PTK2: variants seen among roughly 807,000 people sequenced by gnomAD.
PTK2 encodes the protein focal adhesion kinase 1.
Under a neutral mutation model 150.1 loss-of-function variants are expected in PTK2, and 45 were observed. The observed-to-expected ratio is 0.30, with a 90% CI of 0.24 to 0.38. PTK2 has a LOEUF of 0.38. PTK2 is among the 10% of genes least tolerant of loss of function. The pLI, the probability that PTK2 is intolerant of heterozygous loss-of-function variation, is 1.00. For missense variants in PTK2, 919 were observed against 1,307.3 expected (o/e 0.70, Z 4.58); for synonymous variants, 432 against 449.2 (o/e 0.96, Z 0.48).
chr8:140,992,379 A>C (rs973369930), intron 1 of PTK2, among the ~76,000 whole-genome samples: 4 of 151,962 alleles, frequency 2.6e-5, no homozygotes, highest in African/African-American at 9.7e-5. Flanking sequence ...CAGAAGCAGG[A>C]GAATTGCTTG....
chr8:140,825,661 A>G (rs533778004), intron 8 of PTK2, among the ~76,000 whole-genome samples: 3 of 152,202 alleles, frequency 2.0e-5, no homozygotes, highest in Non-Finnish European at 4.4e-5. Context: ...ACATTCACTG[A>G]ACTACAGAAG....
chr8:140,921,529 GA>G (rs543757204), intron 2 of PTK2, among the ~76,000 whole-genome samples: 1 of 151,892 alleles, frequency 6.6e-6, no homozygotes, highest in Non-Finnish European at 1.5e-5. Context: ...ATCCTTTCTG[GA>G]AAAAAATTCC....
In PTK2 at chr8:140,803,005, C is replaced by CTTTTTTTTTTTTTT. The variant is rs778981723; in HGVS notation, c.975+524_975+537dup. On this transcript the variant is annotated intron_variant, in intron 11 of 31. Coordinates refer to ENST00000522684, the Ensembl canonical transcript of PTK2. ...AATTTCCTTGGTACTTGATGACAAT[C>CTTTTTTTTTTTTTT]TTTTTTTTTTTTTTTTTTTTTTTTT... is the stretch of plus-strand genomic sequence containing the variant. 3.9e-5 allele frequency among the ~76,000 whole-genome samples: 3 copies of CTTTTTTTTTTTTTT among 77,364 alleles called. 1 individual carries two copies. Among genetic ancestry groups the CTTTTTTTTTTTTTT allele is most frequent in the East Asian group, 5.1e-4 (1 of 1,952 alleles). The allele number at this position is 77,364 out of a possible 152,430, so 50.8% of individuals were successfully genotyped here.
intron 1 of PTK2, among the ~76,000 whole-genome samples, chr8:140,999,852 T>C (rs960498622): frequency 6.6e-6 from 1 of 151,990 alleles, no homozygotes; most frequent in Non-Finnish European, 1.5e-5. Context: ...GATGGTTAAG[T>C]CTTAAATACA....
intron 26 of PTK2, among the ~76,000 whole-genome samples, chr8:140,694,627 G>A (rs1180697306): frequency 6.6e-6 from 1 of 152,182 alleles, no homozygotes; most frequent in East Asian, 1.9e-4. Context: ...GCAGCGGCCT[G>A]GCCTGGTGGT....
intron 1 of PTK2, among the ~76,000 whole-genome samples, chr8:140,937,131 C>T (rs1027190276): frequency 3.3e-5 from 5 of 152,070 alleles, no homozygotes; most frequent in African/African-American, 9.7e-5. Flanking sequence ...ACATGGATCT[C>T]CTGTAGTACA....
At chr8:140,966,804 T>G (rs1399814979) in intron 1 of PTK2, among the ~76,000 whole-genome samples, 1 of 152,214 alleles carries the variant, frequency 6.6e-6, no homozygotes, top group African/African-American at 2.4e-5. Flanking sequence ...TTAAGATAGG[T>G]ATAAATAGAT....
At chr8:140,864,673 A>C (rs2100138239) in intron 4 of PTK2, among the ~76,000 whole-genome samples, 1 of 152,178 alleles carries the variant, frequency 6.6e-6, no homozygotes, top group African/African-American at 2.4e-5. Context: ...ATTCTCCACC[A>C]CTGCTCAGGG....
intron 1 of PTK2, among the ~76,000 whole-genome samples, chr8:140,945,778 G>C (rs2100177492): frequency 6.6e-6 from 1 of 151,942 alleles, no homozygotes; most frequent in Non-Finnish European, 1.5e-5. Context: ...CACAACACAG[G>C]CTTTTCAAGT....
chr8:140,992,607 G>T (rs928172508), intron 1 of PTK2, among the ~76,000 whole-genome samples: 4 of 152,206 alleles, frequency 2.6e-5, no homozygotes, highest in Non-Finnish European at 5.9e-5. Context: ...TCACTACTCT[G>T]AAAACCACTG....
At chr8:140,737,564 T>C (rs180944253) in intron 21 of PTK2, among the ~76,000 whole-genome samples, 150 of 152,360 alleles carry the variant, frequency 9.8e-4, no homozygotes, top group African/African-American at 3.5e-3. Context: ...GATACAATTC[T>C]TTCTTCCCTC....
chr8:140,841,629 G>T (rs7002914), intron 7 of PTK2, among the ~76,000 whole-genome samples: 83 of 152,022 alleles, frequency 5.5e-4, no homozygotes, highest in Middle Eastern at 3.4e-3. Context: ...GTAATGATGA[G>T]AGCCATATAC....
At chr8:140,735,944 A>G (rs527817898) in intron 21 of PTK2, among the ~76,000 whole-genome samples, 18 of 152,234 alleles carry the variant, frequency 1.2e-4, no homozygotes, top group Non-Finnish European at 1.3e-4. Flanking sequence ...TAGAGTGCAT[A>G]AAGGCACCAT....
chr8:140,671,217 A>T (rs911963698), intron 29 of PTK2, among the ~76,000 whole-genome samples: 6 of 152,176 alleles, frequency 3.9e-5, no homozygotes, highest in Admixed American at 3.9e-4. Flanking sequence ...CATAAAAGTA[A>T]ATATTTTAGT....
intron 1 of PTK2, among the ~76,000 whole-genome samples, chr8:140,986,161 G>A (rs773307680): frequency 1.3e-5 from 2 of 152,194 alleles, no homozygotes; most frequent in East Asian, 1.9e-4. Context: ...CTAGCCACAT[G>A]TGGCTAATGA....
upstream of PTK2, chr8:141,001,928 C>T (rs2100200343): frequency 6.6e-6 from 1 of 152,238 alleles, no homozygotes; most frequent in Admixed American, 6.5e-5. Flanking sequence ...ATGAAAGGGA[C>T]TTAGAAGTCC....
chr8:140,888,307 C>T (rs953787758), intron 3 of PTK2, among the ~76,000 whole-genome samples: 8 of 152,284 alleles, frequency 5.3e-5, no homozygotes, highest in Admixed American at 1.3e-4. Flanking sequence ...AATGTTATAG[C>T]ATTAAAGCAT....
intron 16 of PTK2, 87 bp from the exon 20 acceptor site, chr8:140,752,403 C>CT: frequency 1.7e-6 from 2 of 1,207,598 alleles, no homozygotes; most frequent in Non-Finnish European, 2.4e-6. Flanking sequence ...TGTTTTGCAA[C>CT]TATGTGGGTT....
intron 1 of PTK2, among the ~76,000 whole-genome samples, chr8:140,958,325 T>G (rs974599768): frequency 2.0e-5 from 3 of 151,988 alleles, no homozygotes; most frequent in African/African-American, 7.3e-5. Flanking sequence ...TTTAATTTTT[T>G]GTAGAGACAG....
Sources: allele counts gnomAD v4.1 joint callset (sites outside exome capture counted in the v4.1 genomes callset), GRCh38; gene constraint gnomAD v4.1.1; transcripts MANE v1.5; gene names NCBI Gene and HGNC (gene_info 2026-07-23, HGNC 2026-07-21).